The following MRTFA variants were observed in gnomAD, a reference collection of about 807,000 sequenced individuals.
The protein encoded by MRTFA is myocardin related transcription factor A.
In MRTFA, 20 loss-of-function variants were observed where a neutral mutation model predicts 83.5. That is an observed-to-expected ratio of 0.24 (90% CI 0.17 to 0.35). The LOEUF (loss-of-function observed/expected upper bound fraction) is 0.35, where lower values mean the gene tolerates loss of function less well. Ranked by LOEUF, MRTFA falls within the 10% of genes least tolerant of loss-of-function variation. The pLI is 1.00. For synonymous variants in MRTFA, 659 were observed against 541.2 expected, an observed-to-expected ratio of 1.22 and a Z score of -3.02; for missense variants, 1,200 against 1,224.7, an observed-to-expected ratio of 0.98 and a Z score of 0.30.
intron 3 of MRTFA, among the ~76,000 whole-genome samples, chr22:40,544,073 G>A (rs1183428791): frequency 3.3e-5 from 5 of 151,932 alleles, no homozygotes; most frequent in Admixed American, 2.6e-4. Context: ...GATTAGTGGG[G>A]AAAGAAGAGT....
chr22:40,418,076 A>G (rs2052725494), intron 12 of MRTFA, among the ~76,000 whole-genome samples: 1 of 152,064 alleles, frequency 6.6e-6, no homozygotes, highest in African/African-American at 2.4e-5. Context: ...GAGCAGCACT[A>G]GGGCAGGCCC....
chr22:40,472,479 T>C (rs1199323100), intron 3 of MRTFA, among the ~76,000 whole-genome samples: 1 of 152,260 alleles, frequency 6.6e-6, no homozygotes, highest in African/African-American at 2.4e-5. Flanking sequence ...TGATTCAGTT[T>C]TTAAGTTAAA....
At chr22:40,430,923 G>A (rs2053057057) in intron 6 of MRTFA, among the ~76,000 whole-genome samples, 1 of 151,646 alleles carries the variant, frequency 6.6e-6, no homozygotes, top group Non-Finnish European at 1.5e-5. Flanking sequence ...GTGCAGCTGG[G>A]GCCAGGTGGG....
intron 4 of MRTFA, 45 bp downstream of exon 4, chr22:40,463,176 G>T: frequency 6.5e-7 from 1 of 1,533,052 alleles, no homozygotes; most frequent in Non-Finnish European, 9.0e-7. Flanking sequence ...ACACAGCCAT[G>T]TCCTAAAAGC....
rs1286480057 is a variant in MRTFA at position 40,592,049 on chromosome 22, G to A, written c.-22+2625C>T. Among the ~76,000 whole-genome samples the A allele has an allele frequency of 2.0e-5, 3 of 152,232 alleles. No homozygotes were observed. The East Asian group carries it at 5.8e-4, about 29-fold the overall frequency. Reference sequence around the variant, plus strand: ...TCTGACCCCCAATTACTGCATGACTGAAAGACATAGAGATGGTATCTCCCA... The same window carrying A: ...TCTGACCCCCAATTACTGCATGACTAAAAGACATAGAGATGGTATCTCCCA... On this transcript the variant is annotated intron_variant, in intron 2 of 14. Transcript: ENST00000355630.
At chr22:40,491,727 T>C (rs1042539743) in intron 3 of MRTFA, among the ~76,000 whole-genome samples, 1 of 152,114 alleles carries the variant, frequency 6.6e-6, no homozygotes, top group African/African-American at 2.4e-5. Flanking sequence ...ATATGAGCTC[T>C]GCACGGTGGG....
rs138792459 is a variant in MRTFA at position 40,631,079 on chromosome 22, C to A, written c.-84+5399G>T. Among the ~76,000 whole-genome samples, 515 of 152,256 alleles carry A rather than the reference C, an allele frequency of 3.4e-3. 9 individuals carry two copies. The East Asian group carries it at 0.06, about 18-fold the overall frequency. On this transcript the variant is annotated intron_variant, in intron 1 of 14. Transcript: ENST00000355630. ...GACACCCTTAATGGCAACTTGTGCA[C>A]CTCCTTGGGTCTTATTTTAACTGTG...
rs544697023 is a variant in MRTFA at position 40,534,701 on chromosome 22, C to T, written c.241+17405G>A. Among the ~76,000 whole-genome samples the T allele has an allele frequency of 4.6e-5, 7 of 152,272 alleles. No homozygotes were observed. In the South Asian group the frequency reaches 1.2e-3, roughly 27 times the overall value. On this transcript the variant is annotated intron_variant, in intron 3 of 14. Coordinates refer to ENST00000355630, the MANE Select transcript of MRTFA (RefSeq NM_020831.6). ...ACCTTTCATTAACTGATATTCATAA[C>T]AATGATATTAAGATTACTTTCAGTC...
chr22:40,560,979 T>C (rs762653510), intron 2 of MRTFA, among the ~76,000 whole-genome samples: 1 of 152,228 alleles, frequency 6.6e-6, no homozygotes, highest in Non-Finnish European at 1.5e-5. Flanking sequence ...GGTGGTTCTA[T>C]GCGACCAAAT....
At chr22:40,627,063 T>C (rs948648437) in intron 1 of MRTFA, among the ~76,000 whole-genome samples, 5 of 152,024 alleles carry the variant, frequency 3.3e-5, no homozygotes, top group African/African-American at 1.2e-4. Context: ...CCTGGATCAC[T>C]TACCCCATTT....
chr22:40,510,998 A>G (rs2054658233), intron 3 of MRTFA, among the ~76,000 whole-genome samples: 1 of 152,220 alleles, frequency 6.6e-6, no homozygotes, highest in Admixed American at 6.5e-5. Flanking sequence ...AGACCAGACA[A>G]ATAAAATAGC....
intron 1 of MRTFA, among the ~76,000 whole-genome samples, chr22:40,617,762 G>A (rs2056471406): frequency 6.6e-6 from 1 of 151,652 alleles, no homozygotes; most frequent in African/African-American, 2.4e-5. Context: ...AGAAAGAATG[G>A]CCTAGCCATT....
At chr22:40,440,220 G>A (rs2053250443) in intron 4 of MRTFA, among the ~76,000 whole-genome samples, 1 of 150,702 alleles carries the variant, frequency 6.6e-6, no homozygotes, top group Non-Finnish European at 1.5e-5. Flanking sequence ...TCATTTTATA[G>A]TAATAATAAC....
chr22:40,537,854 TG>T (rs2055211911), intron 3 of MRTFA, among the ~76,000 whole-genome samples: 1 of 11,386 alleles, frequency 8.8e-5, no homozygotes, highest in Non-Finnish European at 1.8e-4. Flanking sequence ...CCGCCCCGTC[TG>T]GGAGGTGAGG....
intron 2 of MRTFA, among the ~76,000 whole-genome samples, chr22:40,553,506 G>C (rs145420114): frequency 5.0e-4 from 76 of 152,276 alleles, no homozygotes; most frequent in African/African-American, 1.8e-3. Flanking sequence ...CTGAGGCTTC[G>C]AAGCGTGCAA....
At chr22:40,461,895 C>T (rs2053720948) in intron 4 of MRTFA, among the ~76,000 whole-genome samples, 1 of 152,184 alleles carries the variant, frequency 6.6e-6, no homozygotes, top group Admixed American at 6.5e-5. Flanking sequence ...TCTTCACTTG[C>T]CCCTTCTCTC....
intron 2 of MRTFA, chr22:40,569,910 AC>A: frequency 6.5e-6 from 1 of 154,944 alleles, no homozygotes; most frequent in Non-Finnish European, 1.4e-5. Flanking sequence ...AACTGGCTCC[AC>A]CCCACCTCTG....
At chr22:40,605,530 A>C (rs2056310043) in intron 1 of MRTFA, among the ~76,000 whole-genome samples, 1 of 152,208 alleles carries the variant, frequency 6.6e-6, no homozygotes, top group Non-Finnish European at 1.5e-5. Context: ...TTCTAAGCAC[A>C]ATGGAAAAAC....
intron 3 of MRTFA, among the ~76,000 whole-genome samples, chr22:40,535,328 T>C (rs147781714): frequency 2.1e-4 from 32 of 151,214 alleles, no homozygotes; most frequent in African/African-American, 7.8e-4. Flanking sequence ...CTGTATAATT[T>C]GCTGTGTGAG....
Sources: allele counts gnomAD v4.1 joint callset (sites outside exome capture counted in the v4.1 genomes callset), GRCh38; gene constraint gnomAD v4.1.1; transcripts MANE v1.5; gene names NCBI Gene and HGNC (gene_info 2026-07-23, HGNC 2026-07-21).